MON2: variants seen among roughly 807,000 people sequenced by gnomAD.
MON2 encodes the protein MON2 regulator of endosome-to-Golgi trafficking, also known as protein MON2 homolog.
A neutral mutation model predicts 208.6 loss-of-function variants in MON2; 84 were observed. The observed-to-expected ratio is 0.40, with a 90% CI of 0.34 to 0.48. MON2 has a LOEUF of 0.48. Ranked by LOEUF, MON2 falls within the 20% of genes least tolerant of loss-of-function variation. The pLI, the probability that MON2 is intolerant of heterozygous loss-of-function variation, is 0.59. For missense variants in MON2, 1,611 were observed against 2,015.4 expected, an observed-to-expected ratio of 0.80 and a Z score of 3.84; for synonymous variants, 660 against 694.0, an observed-to-expected ratio of 0.95 and a Z score of 0.77.
In MON2 at chr12:62,508,318, G is replaced by T. The variant is rs1286131736; in HGVS notation, c.822G>T (p.Arg274Ser). The T allele has an allele frequency of 6.2e-7, 1 of 1,613,704 alleles. No homozygotes were observed. Among genetic ancestry groups the T allele is most frequent in the Non-Finnish European group, 8.5e-7 (1 of 1,179,860 alleles). The part of the protein sequence containing the change: ...HQEFSFLLKE[R>S]VCPLVIKLFS... ...AATTTAGTTTCCTCCTCAAAGAAAGGGTATGTCCTCTTGTGATAAAGCTCT... is the reference window on the plus strand; with the variant it reads ...AATTTAGTTTCCTCCTCAAAGAAAGTGTATGTCCTCTTGTGATAAAGCTCT... Residue 274 changes from arginine (R) to serine (S), a missense_variant, in exon 8 of 35, where the codon AGG (arginine) becomes AGT (serine). Coordinates refer to ENST00000393630, the MANE Select transcript of MON2 (RefSeq NM_015026.3).
Position 62,560,480 on chromosome 12 carries a change from TCC to T in MON2, c.3410-10_3410-9del, listed in dbSNP as rs1592399188. ...TTATGATAATAGTTTTTTTTTCTCT[TCC>T]TAATATAGGAGATTTTTCAAGAGCT... On this transcript the variant is annotated splice_polypyrimidine_tract_variant and intron_variant, in intron 25 of 34. Transcript: ENST00000393630. 1.9e-6 allele frequency: 3 copies of T among 1,583,914 alleles called. No homozygotes were observed. The highest frequency in any genetic ancestry group is 2.6e-6 in the Non-Finnish European group (3 of 1,170,294).
intron 7 of MON2, among the ~76,000 whole-genome samples, chr12:62,507,013 G>A (rs1003088111): frequency 6.6e-6 from 1 of 152,116 alleles, no homozygotes; most frequent in Non-Finnish European, 1.5e-5. Context: ...ATATACCATG[G>A]CTATAAGTAA....
At chr12:62,587,991 A>G (rs1466719861) in intron 33 of MON2, 83 bp from the exon 34 acceptor site, 22 of 820,652 alleles carry the variant, frequency 2.7e-5, no homozygotes, top group Non-Finnish European at 2.8e-5. Flanking sequence ...AAGTTCATCT[A>G]TTTGTACAAA....
intron 14 of MON2, 72 bp downstream of exon 14, chr12:62,535,781 C>G: frequency 8.2e-7 from 1 of 1,217,994 alleles, no homozygotes; most frequent in South Asian, 2.1e-5. Flanking sequence ...TTATAAACAT[C>G]TGAGTTTAAG....
chr12:62,551,236 A>G (rs1016949170), intron 23 of MON2, among the ~76,000 whole-genome samples: 1 of 152,090 alleles, frequency 6.6e-6, no homozygotes, highest in Non-Finnish European at 1.5e-5. Context: ...AATTATTTCT[A>G]GCTTTTGATT....
Position 62,599,651 on chromosome 12 carries a change from G to A in MON2, c.*6902G>A, listed in dbSNP as rs1317377715. The A allele has an allele frequency of 6.6e-6, 1 of 152,120 alleles. No individual in the cohort carries two copies. The highest frequency in any genetic ancestry group is 2.4e-5 in the African/African-American group (1 of 41,400). 9.4% of individuals were successfully genotyped at this position (152,120 alleles called of 1,614,324 possible). ...GAGTCAAGGATTAGGGGGTTGAAGT[G>A]AGCTGCCTAGAGTCACATACCTAAA... On this transcript the variant is annotated 3_prime_UTR_variant, in exon 35 of 35. Transcript: ENST00000393630.
chr12:62,492,125 G>A (rs538627605), intron 2 of MON2, among the ~76,000 whole-genome samples: 1 of 152,230 alleles, frequency 6.6e-6, no homozygotes, highest in South Asian at 2.1e-4. Flanking sequence ...GCATACTAAG[G>A]GACTTTGCAG....
intron 33 of MON2, among the ~76,000 whole-genome samples, chr12:62,587,582 A>G (rs1297698393): frequency 6.6e-6 from 1 of 151,728 alleles, no homozygotes; most frequent in Non-Finnish European, 1.5e-5. Context: ...CTACTTTAAA[A>G]AAAAAAAAAA....
At chr12:62,474,388 G>A (rs1441986058) in intron 1 of MON2, among the ~76,000 whole-genome samples, 2 of 151,958 alleles carry the variant, frequency 1.3e-5, no homozygotes, top group African/African-American at 2.4e-5. Flanking sequence ...AAAGTGTTGG[G>A]GTTACAGGTG....
chr12:62,534,579 T>C (rs2072875122), intron 12 of MON2, among the ~76,000 whole-genome samples: 1 of 130,618 alleles, frequency 7.7e-6, no homozygotes, highest in South Asian at 2.3e-4. Flanking sequence ...TTTATATATA[T>C]ATATAAAATT....
Position 62,467,100 on chromosome 12 carries a change from T to C in MON2, c.-108T>C. 1.2e-6 allele frequency: 1 copy of C among 843,500 alleles called. No individual in the cohort carries two copies. Among genetic ancestry groups the C allele is most frequent in the Non-Finnish European group, 1.9e-6 (1 of 530,896 alleles). The allele number at this position is 843,500 out of a possible 1,614,324, so 52.3% of individuals were successfully genotyped here. ...GCAGCCCAGGGCCCAAGAAGCGGGC[T>C]GCTGAAGGACCAGAGACACCGGGAG... On this transcript the variant is annotated 5_prime_UTR_variant, in exon 1 of 35. Coordinates refer to ENST00000393630, the MANE Select transcript of MON2 (RefSeq NM_015026.3).
Position 62,466,889 on chromosome 12 carries a change from A to G in MON2, c.-319A>G. The G allele has an allele frequency of 2.1e-6, 1 of 466,566 alleles. No homozygotes were observed. Among genetic ancestry groups the G allele is most frequent in the South Asian group, 4.0e-5 (1 of 25,130 alleles). The allele number at this position is 466,566 out of a possible 1,614,324, so 28.9% of individuals were successfully genotyped here. ...GGAGCTGGCGCTGAAGCTTCTTGCCAGGTTGGCTGGTGACACCCGGTGTGG... is the reference window on the plus strand; with the variant it reads ...GGAGCTGGCGCTGAAGCTTCTTGCCGGGTTGGCTGGTGACACCCGGTGTGG... On this transcript the variant is annotated 5_prime_UTR_variant, in exon 1 of 35. Coordinates refer to ENST00000393630, the MANE Select transcript of MON2 (RefSeq NM_015026.3).
At chr12:62,534,555 A>G (rs1449043773) in intron 12 of MON2, among the ~76,000 whole-genome samples, 5 of 127,542 alleles carry the variant, frequency 3.9e-5, no homozygotes, top group Non-Finnish European at 8.1e-5. Flanking sequence ...ATATATATAT[A>G]TATATATATA....
chr12:62,501,058 T>TA (rs1163739866), intron 6 of MON2, among the ~76,000 whole-genome samples, 178 bp downstream of exon 6: 1 of 152,128 alleles, frequency 6.6e-6, no homozygotes, highest in Admixed American at 6.5e-5. Flanking sequence ...ATTAACATGA[T>TA]AAAACGTTAT....
intron 25 of MON2, among the ~76,000 whole-genome samples, chr12:62,558,788 C>T (rs1026034699): frequency 5.4e-5 from 8 of 148,956 alleles, no homozygotes; most frequent in Non-Finnish European, 1.2e-4. Flanking sequence ...ACCTCTGCCT[C>T]CTAGGTTCAA....
chr12:62,546,200 T>C (rs906534084), intron 21 of MON2, among the ~76,000 whole-genome samples: 2 of 152,166 alleles, frequency 1.3e-5, no homozygotes, highest in Non-Finnish European at 2.9e-5. Context: ...ACATATGATA[T>C]ACATTAATAA....
chr12:62,551,655 A>G (rs911741939), intron 23 of MON2, among the ~76,000 whole-genome samples: 1 of 152,250 alleles, frequency 6.6e-6, no homozygotes, highest in Admixed American at 6.5e-5. Context: ...ATAAATTGCA[A>G]TTTATAAAAA....
chr12:62,516,235 A>G (rs956584315), intron 8 of MON2, among the ~76,000 whole-genome samples: 2 of 152,178 alleles, frequency 1.3e-5, no homozygotes, highest in African/African-American at 4.8e-5. Context: ...AATTGAACGA[A>G]TGGAGAGAGA....
At chr12:62,501,073 C>T (rs547699294) in intron 6 of MON2, among the ~76,000 whole-genome samples, 193 bp downstream of exon 6, 9 of 151,946 alleles carry the variant, frequency 5.9e-5, no homozygotes. Context: ...CGTTATTACT[C>T]ACTTTAAGAA....
Sources: allele counts gnomAD v4.1 joint callset (sites outside exome capture counted in the v4.1 genomes callset), GRCh38; gene constraint gnomAD v4.1.1; transcripts MANE v1.5; gene names NCBI Gene and HGNC (gene_info 2026-07-23, HGNC 2026-07-21).